The following CORO2B variants were observed in gnomAD, a reference collection of about 807,000 sequenced individuals.
CORO2B encodes coronin 2B.
Under a neutral mutation model 58.8 loss-of-function variants are expected in CORO2B, and 26 were observed. The ratio of observed to expected loss-of-function variants is 0.44; its 90% CI spans 0.32 to 0.61. The LOEUF is 0.61. Ranked by LOEUF, CORO2B falls within the 20% of genes least tolerant of loss-of-function variation. CORO2B has a pLI of 0.04. For missense variants in CORO2B, 460 were observed against 645.1 expected (o/e 0.71, Z 3.11); for synonymous variants, 242 against 253.8 (o/e 0.95, Z 0.44).
chr15:68,600,557 G>T (rs1326536503), intron 1 of CORO2B, among the ~76,000 whole-genome samples: 1 of 152,134 alleles, frequency 6.6e-6, no homozygotes, highest in African/African-American at 2.4e-5. Context: ...TCTGAACTCC[G>T]TCCCACCCCC....
chr15:68,586,561 A>G (rs1899562618), intron 1 of CORO2B, among the ~76,000 whole-genome samples: 1 of 152,238 alleles, frequency 6.6e-6, no homozygotes, highest in South Asian at 2.1e-4. Flanking sequence ...TTTAATCCTC[A>G]GAGTGACATC....
At chr15:68,619,073 A>G (rs1450437447) in intron 1 of CORO2B, among the ~76,000 whole-genome samples, 1 of 152,144 alleles carries the variant, frequency 6.6e-6, no homozygotes, top group Non-Finnish European at 1.5e-5. Flanking sequence ...ATACAATTAC[A>G]TCATATTTAT....
intron 2 of CORO2B, among the ~76,000 whole-genome samples, chr15:68,663,876 C>G (rs1460181595): frequency 6.6e-6 from 1 of 152,182 alleles, no homozygotes; most frequent in Admixed American, 6.5e-5. Flanking sequence ...TGTGTTAAGA[C>G]CTACTTGCAT....
intron 8 of CORO2B, among the ~76,000 whole-genome samples, chr15:68,716,604 G>A (rs1445497790): frequency 6.6e-6 from 1 of 152,214 alleles, no homozygotes; most frequent in Non-Finnish European, 1.5e-5. Context: ...AGAGTCAAAT[G>A]GTGTGCTAGA....
At position 68,726,188 on chromosome 15, in the gene CORO2B, C is replaced by T. The variant is rs906810139; in HGVS notation, c.*214C>T. 197 of 567,474 alleles carry T rather than the reference C, an allele frequency of 3.5e-4. 1 individual carries two copies. Among genetic ancestry groups the T allele is most frequent in the Non-Finnish European group, 5.1e-4 (170 of 334,696 alleles). The allele number at this position is 567,474 out of a possible 1,614,324, so 35.2% of individuals were successfully genotyped here. ...CCAGCTTCTGGAGACCCCCTGCCGG[C>T]AGCCCCTTTCCCTGCCACCCCAGGA... On this transcript the variant is annotated 3_prime_UTR_variant, in exon 12 of 12. Coordinates refer to ENST00000261861, the MANE Select transcript of CORO2B (RefSeq NM_006091.5).
intron 2 of CORO2B, among the ~76,000 whole-genome samples, chr15:68,662,520 G>A (rs539405598): frequency 1.1e-4 from 17 of 152,296 alleles, no homozygotes; most frequent in African/African-American, 3.6e-4. Context: ...CACTAAACAC[G>A]ATGAAAAATA....
chr15:68,616,122 C>G (rs564408456), intron 1 of CORO2B, among the ~76,000 whole-genome samples: 67 of 152,206 alleles, frequency 4.4e-4, no homozygotes, highest in African/African-American at 1.5e-3. Context: ...AAGTAATTGC[C>G]CAAGGACTGA....
intron 1 of CORO2B, among the ~76,000 whole-genome samples, chr15:68,604,337 C>T (rs1900054840): frequency 1.3e-5 from 2 of 152,082 alleles, no homozygotes; most frequent in Admixed American, 6.5e-5. Flanking sequence ...ACCCCCAAAC[C>T]GCCTTTCCTA....
chr15:68,575,390 T>G (rs1343566519), upstream of CORO2B, among the ~76,000 whole-genome samples: 1 of 150,020 alleles, frequency 6.7e-6, no homozygotes, highest in Non-Finnish European at 1.5e-5. Context: ...CAGGCTGGAG[T>G]GCAGTGGCGC....
chr15:68,631,985 G>A (rs56778428), intron 1 of CORO2B: 44,123 of 985,440 alleles, frequency 0.045, 1,058 homozygotes, highest in South Asian at 0.093. Flanking sequence ...TTGGTTGCTA[G>A]CAACAGATTC....
intron 1 of CORO2B, among the ~76,000 whole-genome samples, chr15:68,614,015 A>T (rs879734546): frequency 3.2e-4 from 49 of 152,218 alleles, no homozygotes; most frequent in Admixed American, 2.2e-3. Flanking sequence ...TTTTTCAATC[A>T]TCACCGTGCC....
chr15:68,580,091 G>A (rs1899388897), intron 1 of CORO2B, among the ~76,000 whole-genome samples: 1 of 152,238 alleles, frequency 6.6e-6, no homozygotes, highest in Admixed American at 6.5e-5. Flanking sequence ...GATGACCTTG[G>A]TCGGGGAGGG....
At chr15:68,659,482 G>A (rs894936324) in intron 2 of CORO2B, among the ~76,000 whole-genome samples, 4 of 152,196 alleles carry the variant, frequency 2.6e-5, no homozygotes, top group Non-Finnish European at 4.4e-5. Flanking sequence ...GGAGGCCCAG[G>A]CAGGAAGATC....
intron 2 of CORO2B, among the ~76,000 whole-genome samples, chr15:68,687,016 T>C (rs1488121664): frequency 6.6e-6 from 1 of 152,252 alleles, no homozygotes; most frequent in East Asian, 1.9e-4. Context: ...ACAGTTGTTC[T>C]GGCATTGCCA....
intron 11 of CORO2B, among the ~76,000 whole-genome samples, chr15:68,720,202 T>A (rs1893128987): frequency 6.6e-6 from 1 of 152,230 alleles, no homozygotes. Context: ...TGCATTTGAA[T>A]CCTGGCTCTG....
chr15:68,575,485 C>T (rs1251349031), upstream of CORO2B, among the ~76,000 whole-genome samples: 2 of 150,860 alleles, frequency 1.3e-5, no homozygotes, highest in African/African-American at 2.4e-5. Flanking sequence ...CAGGTGCCCA[C>T]CACCGCGTCT....
At chr15:68,599,366 T>C (rs1356984281) in intron 1 of CORO2B, among the ~76,000 whole-genome samples, 1 of 152,220 alleles carries the variant, frequency 6.6e-6, no homozygotes, top group Non-Finnish European at 1.5e-5. Flanking sequence ...CAGATCCCAT[T>C]GGGTGCTCCT....
At chr15:68,637,074 C>T (rs1901053842) in intron 1 of CORO2B, among the ~76,000 whole-genome samples, 1 of 152,256 alleles carries the variant, frequency 6.6e-6, no homozygotes, top group South Asian at 2.1e-4. Context: ...AGAGCAGATA[C>T]TCCCAAATGT....
chr15:68,625,355 C>T (rs113109491), intron 1 of CORO2B, among the ~76,000 whole-genome samples: 39 of 152,014 alleles, frequency 2.6e-4, no homozygotes, highest in African/African-American at 9.2e-4. Context: ...CTATGCATTT[C>T]ACAAATGCAA....
Sources: allele counts gnomAD v4.1 joint callset (sites outside exome capture counted in the v4.1 genomes callset), GRCh38; gene constraint gnomAD v4.1.1; transcripts MANE v1.5; gene names NCBI Gene and HGNC (gene_info 2026-07-23, HGNC 2026-07-21).